Variants in C2orf74 observed in about 807,000 individuals in gnomAD.
The protein encoded by C2orf74 is uncharacterized protein C2orf74.
In C2orf74, 14 loss-of-function variants were observed where a neutral mutation model predicts 17.9. The observed-to-expected ratio is 0.78, with a 90% CI of 0.52 to 1.22. The LOEUF (loss-of-function observed/expected upper bound fraction) is 1.22. Among genes scored for constraint, C2orf74 ranks in the 50% most tolerant of loss-of-function variants. The pLI, the probability that C2orf74 is intolerant of heterozygous loss-of-function variation, is 0.00. For synonymous variants in C2orf74, 79 were observed against 72.6 expected, an observed-to-expected ratio of 1.09 and a Z score of -0.44; for missense variants, 217 against 218.4, an observed-to-expected ratio of 0.99 and a Z score of 0.04.
Position 61,164,571 on chromosome 2 carries a change from T to A in C2orf74, c.*44T>A. The A allele has an allele frequency of 1.4e-6, 2 of 1,386,464 alleles. No homozygotes were observed. Among genetic ancestry groups the A allele is most frequent in the Non-Finnish European group, 1.9e-6 (2 of 1,045,340 alleles). The allele number at this position is 1,386,464 out of a possible 1,614,324, so 85.9% of individuals were successfully genotyped here. On this transcript the variant is annotated 3_prime_UTR_variant, in exon 5 of 5. Coordinates refer to ENST00000432605, the MANE Select transcript of C2orf74 (RefSeq NM_001143959.4). Reference sequence around the variant, plus strand: ...AGTGAAAGAAAATGTAACGTTTGACTAACGTTGAAAGACTGAGGGTACAAA... The same window carrying A: ...AGTGAAAGAAAATGTAACGTTTGACAAACGTTGAAAGACTGAGGGTACAAA...
rs562908846 is a variant in C2orf74 at position 61,164,492 on chromosome 2, C to G, written c.529C>G (p.Arg177Gly). The G allele has an allele frequency of 9.1e-6, 14 of 1,545,198 alleles. No homozygotes were observed. In the East Asian group the frequency reaches 2.9e-4, roughly 33 times the overall value. The part of the protein sequence containing the change: ...VDLGNEYPTP[R>G]SYTREHKERK Reference sequence around the variant, plus strand: ...TCTTGGGAATGAATACCCTACACCTCGAAGCTATACTCGAGAACATAAAGA... The same window carrying G: ...TCTTGGGAATGAATACCCTACACCTGGAAGCTATACTCGAGAACATAAAGA... The change falls in exon 5 of 5, where the codon CGA becomes GGA. Residue 177 changes from arginine to glycine, a missense_variant. By Grantham distance (125) the Arg-to-Gly change is moderately radical. Coordinates refer to ENST00000432605, the MANE Select transcript of C2orf74 (RefSeq NM_001143959.4).
upstream of C2orf74, chr2:61,158,015 A>G (rs778828708): frequency 1.1e-4 from 53 of 471,040 alleles, no homozygotes; most frequent in South Asian, 7.1e-4. Flanking sequence ...GGCAGGAGGT[A>G]GGCAGTAGGG....
At chr2:61,160,513 CT>C (rs111229188), upstream of C2orf74, among the ~76,000 whole-genome samples, 122 of 144,508 alleles carry the variant, frequency 8.4e-4, no homozygotes, top group Middle Eastern at 7.6e-3. Context: ...GTATATACCA[CT>C]TTTTTTTTTT....
chr2:61,154,670 A>G (rs933386146), intron 1 of C2orf74, among the ~76,000 whole-genome samples: 2 of 152,196 alleles, frequency 1.3e-5, no homozygotes, highest in African/African-American at 4.8e-5. Flanking sequence ...TTTGCCCAAC[A>G]GTTACCAAAA....
At chr2:61,153,467 A>T (rs1012295918) in intron 1 of C2orf74, among the ~76,000 whole-genome samples, 1 of 151,518 alleles carries the variant, frequency 6.6e-6, no homozygotes, top group African/African-American at 2.4e-5. Flanking sequence ...TATTTTTAGT[A>T]GAGACTGGGT....
chr2:61,150,390 A>T (rs1004357901), intron 1 of C2orf74, among the ~76,000 whole-genome samples: 1 of 152,218 alleles, frequency 6.6e-6, no homozygotes, highest in Non-Finnish European at 1.5e-5. Flanking sequence ...TGGGAAGCCT[A>T]GCTCTTGAAG....
intron 1 of C2orf74, among the ~76,000 whole-genome samples, chr2:61,150,578 T>C (rs769123779): frequency 2.0e-5 from 3 of 152,076 alleles, no homozygotes; most frequent in Admixed American, 6.6e-5. Context: ...TGCCCACATA[T>C]AGTCAGTCAG....
intron 1 of C2orf74, among the ~76,000 whole-genome samples, chr2:61,148,366 T>C (rs1685131476): frequency 6.6e-6 from 1 of 151,578 alleles, no homozygotes; most frequent in African/African-American, 2.4e-5. Context: ...TTTATATTTT[T>C]GGTAGAGATG....
At chr2:61,147,995 C>T (rs1380988981) in intron 1 of C2orf74, among the ~76,000 whole-genome samples, 1 of 151,434 alleles carries the variant, frequency 6.6e-6, no homozygotes, top group Non-Finnish European at 1.5e-5. Context: ...TCTCAAACTC[C>T]TGACCTCAGC....
At chr2:61,147,302 C>T (rs888160562) in intron 1 of C2orf74, among the ~76,000 whole-genome samples, 3 of 151,668 alleles carry the variant, frequency 2.0e-5, no homozygotes, top group East Asian at 1.9e-4. Context: ...CAGGCTCAAG[C>T]GATCTGCGGG....
At chr2:61,149,152 A>G (rs535799654) in intron 1 of C2orf74, among the ~76,000 whole-genome samples, 2 of 152,304 alleles carry the variant, frequency 1.3e-5, no homozygotes, top group South Asian at 4.1e-4. Context: ...TACGGAGACC[A>G]AAAAATATCT....
At position 61,153,428 on chromosome 2, in the gene C2orf74, C is replaced by T. The variant is rs577505523; in HGVS notation, c.-122+8232C>T. On this transcript the variant is annotated intron_variant, in intron 1 of 3. Coordinates refer to the C2orf74 transcript ENST00000426997. ...CCTGAGTAGCTGGGACTACAGGCGC[C>T]CACCACTACGCCTAGCTAATTTTTT... 2.3e-3 allele frequency among the ~76,000 whole-genome samples: 350 copies of T among 151,410 alleles called. 1 individual carries two copies. Among genetic ancestry groups the T allele is most frequent in the African/African-American group, 7.9e-3 (326 of 41,468 alleles).
chr2:61,159,653 T>A (rs1309236153), upstream of C2orf74, among the ~76,000 whole-genome samples: 1 of 152,060 alleles, frequency 6.6e-6, no homozygotes, highest in Non-Finnish European at 1.5e-5. Flanking sequence ...GAGGTAGGGG[T>A]AGAACATTCA....
chr2:61,152,085 C>G (rs921332312), intron 1 of C2orf74: 2 of 152,330 alleles, frequency 1.3e-5, no homozygotes, highest in Non-Finnish European at 2.9e-5. Flanking sequence ...TTGAGGCTCC[C>G]AGGTCTCCCA....
rs531952399 is a variant in C2orf74 at position 61,162,448 on chromosome 2, T to C, written c.-67T>C. ...AAAGAACAAGAGAACTGCATTCAAA[T>C]TGAGCTGGAAAAGAATATTTGGACA... On this transcript the variant is annotated 5_prime_UTR_variant, in exon 2 of 5. Coordinates refer to ENST00000432605, the MANE Select transcript of C2orf74 (RefSeq NM_001143959.4). The C allele has an allele frequency of 7.5e-6, 9 of 1,193,626 alleles. No homozygotes were observed. The highest frequency in any genetic ancestry group is 3.1e-5 in the African/African-American group (2 of 64,788). 73.9% of individuals were successfully genotyped at this position (1,193,626 alleles called of 1,614,324 possible). A position where few individuals can be genotyped will look rare whatever the true frequency, so the allele number is the denominator to read the frequency against.
upstream of C2orf74, among the ~76,000 whole-genome samples, chr2:61,161,344 A>G (rs1401871107): frequency 6.6e-6 from 1 of 152,212 alleles, no homozygotes; most frequent in African/African-American, 2.4e-5. Context: ...TCACCATTGA[A>G]TATGATGATA....
chr2:61,164,419 A>C lies in C2orf74; in HGVS notation c.456A>C (p.Lys152Asn). Residue 152 changes from lysine (K) to asparagine (N), a missense_variant, in exon 5 of 5, where the codon AAA becomes AAC. Transcript: ENST00000432605. ...TRTPSVVESQ[K>N]RPLKGVTFSR... is the part of the protein sequence containing the mutation. The stretch of plus-strand genomic sequence containing the variant: ...CTCCTTCAGTTGTTGAAAGCCAAAA[A>C]AGACCTTTAAAAGGAGTGACATTTT... 6.4e-7 allele frequency: 1 copy of C among 1,551,104 alleles called. No homozygotes were observed. Among genetic ancestry groups the C allele is most frequent in the Non-Finnish European group, 8.7e-7 (1 of 1,146,798 alleles).
intron 1 of C2orf74, among the ~76,000 whole-genome samples, chr2:61,145,783 C>T (rs933149292): frequency 3.9e-5 from 6 of 152,186 alleles, no homozygotes; most frequent in East Asian, 1.9e-4. Context: ...ACAGCCTCCA[C>T]TTCCCAAGCC....
chr2:61,153,967 G>A (rs1438801485), intron 1 of C2orf74, among the ~76,000 whole-genome samples: 1 of 151,890 alleles, frequency 6.6e-6, no homozygotes, highest in African/African-American at 2.4e-5. Flanking sequence ...GGCTAGGCGC[G>A]ATGGCTCACG....
Sources: gnomAD v4.1 joint callset for allele counts (sites outside exome capture counted in the v4.1 genomes callset) on GRCh38, gnomAD v4.1.1 for gene constraint, MANE v1.5 for transcripts, NCBI Gene and HGNC (gene_info 2026-07-23, HGNC 2026-07-21) for gene names.